The following ANO3 variants were observed in gnomAD, a reference collection of about 807,000 sequenced individuals.
ANO3 encodes anoctamin 3.
ANO3 carries 99 observed loss-of-function variants against 144.8 expected under a neutral mutation model. That is an observed-to-expected ratio of 0.68 (90% CI 0.58 to 0.81). The LOEUF (loss-of-function observed/expected upper bound fraction) is 0.81. Ranked by LOEUF, ANO3 falls within the 30% of genes least tolerant of loss-of-function variation. ANO3 has a pLI of 0.00. For missense variants in ANO3, 905 were observed against 1,202.2 expected (o/e 0.75, Z 3.66); for synonymous variants, 414 against 392.6 (o/e 1.05, Z -0.64).
At chr11:26,547,957 G>A (rs1022478943) in intron 12 of ANO3, among the ~76,000 whole-genome samples, 1 of 151,742 alleles carries the variant, frequency 6.6e-6, no homozygotes, top group African/African-American at 2.4e-5. Flanking sequence ...TGTTTCATTT[G>A]CTATAACCTT....
rs1374719083 is a variant in ANO3, at chr11:26,453,525, G to A, written c.314-9505G>A. 7.2e-5 allele frequency among the ~76,000 whole-genome samples: 11 copies of A among 152,158 alleles called. No homozygotes were observed. The East Asian group carries it at 1.9e-3, about 27-fold the overall frequency. On this transcript the variant is annotated intron_variant, in intron 3 of 26. Transcript: ENST00000256737. Reference sequence around the variant, plus strand: ...TAAAGAGATCAATTCAACAAGAAGAGCTAACTATCCTAAATATATATGCAC... The same window carrying A: ...TAAAGAGATCAATTCAACAAGAAGAACTAACTATCCTAAATATATATGCAC...
chr11:26,209,979 C>G (rs953400367), intron 1 of ANO3, among the ~76,000 whole-genome samples: 1 of 152,118 alleles, frequency 6.6e-6, no homozygotes, highest in African/African-American at 2.4e-5. Context: ...TGCAGAAGCT[C>G]TTTAGTTTAA....
At chr11:26,223,171 A>C (rs1852184073) in intron 1 of ANO3, among the ~76,000 whole-genome samples, 1 of 152,130 alleles carries the variant, frequency 6.6e-6, no homozygotes, top group South Asian at 2.1e-4. Flanking sequence ...GGTCGTTAGA[A>C]GCAGCCATGC....
chr11:26,501,706 A>G lies in ANO3; in HGVS notation c.433-6398A>G, dbSNP rs80216473. Among the ~76,000 whole-genome samples, 4 of 152,336 alleles carry G rather than the reference A, an allele frequency of 2.6e-5. No homozygotes were observed. The East Asian group carries it at 7.7e-4, about 29-fold the overall frequency. On this transcript the variant is annotated intron_variant, in intron 4 of 26. Transcript: ENST00000256737. ...GTCAAGATCGGCAAGCTGAGGCAGA[A>G]CTATGACCTCTTCTGAACTATGACC...
chr11:26,413,619 A>T (rs1232604472), intron 1 of ANO3, among the ~76,000 whole-genome samples: 1 of 152,062 alleles, frequency 6.6e-6, no homozygotes, highest in Admixed American at 6.6e-5. Context: ...TTTGGGAGGA[A>T]GGTTGCACAC....
intron 13 of ANO3, among the ~76,000 whole-genome samples, chr11:26,558,867 A>G (rs1275661271): frequency 6.6e-6 from 1 of 152,034 alleles, no homozygotes; most frequent in African/African-American, 2.4e-5. Flanking sequence ...TCTTTAACCC[A>G]TGATTGTCCT....
intron 6 of ANO3, among the ~76,000 whole-genome samples, chr11:26,521,776 G>C (rs1487122427): frequency 1.3e-5 from 2 of 152,148 alleles, no homozygotes; most frequent in African/African-American, 2.4e-5. Context: ...AGACAATTCA[G>C]TCATCCTGCG....
intron 1 of ANO3, among the ~76,000 whole-genome samples, chr11:26,311,281 A>G (rs1854497160): frequency 6.6e-6 from 1 of 152,190 alleles, no homozygotes; most frequent in Admixed American, 6.5e-5. Flanking sequence ...CAGTGCTACT[A>G]CTAGGATTAG....
At chr11:26,290,391 T>C (rs1293303601) in intron 1 of ANO3, among the ~76,000 whole-genome samples, 1 of 152,172 alleles carries the variant, frequency 6.6e-6, no homozygotes, top group Non-Finnish European at 1.5e-5. Context: ...TTTGAAGGGA[T>C]TTTGTGTCTC....
chr11:26,401,600 C>T (rs947517591), intron 1 of ANO3, among the ~76,000 whole-genome samples: 1 of 151,928 alleles, frequency 6.6e-6, no homozygotes, highest in South Asian at 2.1e-4. Context: ...ACAGGACAGA[C>T]CCTGTGGCTC....
At chr11:26,232,641 T>C (rs1247036023) in intron 1 of ANO3, among the ~76,000 whole-genome samples, 1 of 152,182 alleles carries the variant, frequency 6.6e-6, no homozygotes, top group African/African-American at 2.4e-5. Flanking sequence ...TCAAGATGGA[T>C]TAAAGACTTA....
At chr11:26,332,657 A>T (rs1209158406) in intron 1 of ANO3, among the ~76,000 whole-genome samples, 1 of 152,076 alleles carries the variant, frequency 6.6e-6, no homozygotes, top group Non-Finnish European at 1.5e-5. Flanking sequence ...GTGAGGACAG[A>T]AATGTTCAAC....
At chr11:26,322,636 CAGAA>C (rs1179140227) in intron 1 of ANO3, among the ~76,000 whole-genome samples, 4 of 152,044 alleles carry the variant, frequency 2.6e-5, no homozygotes, top group Non-Finnish European at 4.4e-5. Context: ...GGGAGGTACA[CAGAA>C]AGAATGTGCC....
intron 4 of ANO3, among the ~76,000 whole-genome samples, chr11:26,482,722 T>C (rs1860272509): frequency 6.6e-6 from 1 of 152,174 alleles, no homozygotes; most frequent in African/African-American, 2.4e-5. Flanking sequence ...ATAGTATACA[T>C]TGTACTCATT....
chr11:26,400,189 C>G (rs1857113516), intron 1 of ANO3, among the ~76,000 whole-genome samples: 1 of 151,942 alleles, frequency 6.6e-6, no homozygotes, highest in African/African-American at 2.4e-5. Context: ...GAGGAAACTT[C>G]AATATGTGAG....
intron 24 of ANO3, among the ~76,000 whole-genome samples, chr11:26,653,252 A>G (rs143392056): frequency 6.6e-6 from 1 of 152,214 alleles, no homozygotes; most frequent in East Asian, 1.9e-4. Context: ...ATTTCATCCA[A>G]TCCTGCTTAA....
intron 6 of ANO3, among the ~76,000 whole-genome samples, chr11:26,521,383 G>C (rs1426024480): frequency 1.3e-5 from 2 of 152,096 alleles, no homozygotes; most frequent in Admixed American, 1.3e-4. Context: ...GAAGTTACAA[G>C]ATTTGTTAGC....
intron 3 of ANO3, among the ~76,000 whole-genome samples, chr11:26,446,517 T>C (rs1269078761): frequency 6.6e-6 from 1 of 152,318 alleles, no homozygotes; most frequent in Non-Finnish European, 1.5e-5. Context: ...AGGAGAACCA[T>C]GAAGGAAAAA....
At chr11:26,300,855 C>CTTTTTTTTTTTTTTT (rs376885670) in intron 1 of ANO3, among the ~76,000 whole-genome samples, 1 of 129,074 alleles carries the variant, frequency 7.7e-6, no homozygotes, top group African/African-American at 3.1e-5. Context: ...TCTTTTTTTT[C>CTTTTTTTTTTTTTTT]TTTTTTTTTT....
Sources: gnomAD v4.1 joint callset for allele counts (sites outside exome capture counted in the v4.1 genomes callset) on GRCh38, gnomAD v4.1.1 for gene constraint, MANE v1.5 for transcripts, NCBI Gene and HGNC (gene_info 2026-07-23, HGNC 2026-07-21) for gene names.